AGTPBP1: variants seen among roughly 807,000 people sequenced by gnomAD.
AGTPBP1 encodes cytosolic carboxypeptidase 1.
Under a neutral mutation model 143.9 loss-of-function variants are expected in AGTPBP1, and 70 were observed. That is an observed-to-expected ratio of 0.49 (90% CI 0.40 to 0.59). The LOEUF (loss-of-function observed/expected upper bound fraction) is 0.59, where lower values mean the gene tolerates loss of function less well. Among genes scored for constraint, AGTPBP1 ranks in the 20% least tolerant of loss-of-function variants. The pLI is 0.00. For missense variants in AGTPBP1, 1,229 were observed against 1,464.5 expected (o/e 0.84, Z 2.62); for synonymous variants, 463 against 500.2 (o/e 0.93, Z 0.99).
chr9:85,805,193 A>AACCTCTAACCAGCGC, the AGTPBP1 span, among the ~76,000 whole-genome samples: 3,864 of 152,122 alleles, frequency 0.025, 91 homozygotes, highest in Middle Eastern at 0.065. Flanking sequence ...GTCACCGGCG[A>AACCTCTAACCAGCGC]ACCTCTAACC....
intron 25 of AGTPBP1, among the ~76,000 whole-genome samples, chr9:85,547,852 A>C (rs765911645): frequency 6.6e-6 from 1 of 152,214 alleles, no homozygotes; most frequent in Non-Finnish European, 1.5e-5. Context: ...ACTTTCCCTA[A>C]GGACACAGAA....
intron 1 of AGTPBP1, among the ~76,000 whole-genome samples, chr9:85,730,885 T>C (rs1026544098): frequency 6.6e-6 from 1 of 152,232 alleles, no homozygotes; most frequent in Non-Finnish European, 1.5e-5. Context: ...CCCTGTTAAA[T>C]TACTATGTGG....
At chr9:85,667,717 C>A (rs1834208997) in intron 8 of AGTPBP1, among the ~76,000 whole-genome samples, 1 of 152,056 alleles carries the variant, frequency 6.6e-6, no homozygotes, top group Non-Finnish European at 1.5e-5. Flanking sequence ...TGTTAAATAA[C>A]TTCAGGATAT....
chr9:85,584,194 T>C (rs1175737320), intron 23 of AGTPBP1, among the ~76,000 whole-genome samples: 1 of 152,134 alleles, frequency 6.6e-6, no homozygotes, highest in Non-Finnish European at 1.5e-5. Context: ...CACTGAGCTC[T>C]ACTAATCTAC....
intron 6 of AGTPBP1, among the ~76,000 whole-genome samples, chr9:85,673,620 T>A (rs555848028): frequency 1.3e-5 from 2 of 152,228 alleles, no homozygotes; most frequent in East Asian, 1.9e-4. Context: ...AACTTAAGAA[T>A]GTTAAGATTT....
intron 3 of AGTPBP1, among the ~76,000 whole-genome samples, chr9:85,684,367 G>A (rs577078833): frequency 4.6e-5 from 7 of 152,290 alleles, no homozygotes; most frequent in African/African-American, 1.7e-4. Flanking sequence ...TGGAGGTTAG[G>A]AAGAAATGTC....
At chr9:85,668,102 G>T (rs904431465) in intron 8 of AGTPBP1, among the ~76,000 whole-genome samples, 1 of 151,810 alleles carries the variant, frequency 6.6e-6, no homozygotes, top group Non-Finnish European at 1.5e-5. Context: ...TAGGAAAAAA[G>T]AAAAACAGAA....
chr9:85,658,233 T>G (rs1274586709), intron 9 of AGTPBP1, among the ~76,000 whole-genome samples: 1 of 152,102 alleles, frequency 6.6e-6, no homozygotes, highest in Non-Finnish European at 1.5e-5. Context: ...TTTTAGTAAA[T>G]GAAATTTAAG....
At chr9:85,678,772 T>C (rs1484619149) in intron 4 of AGTPBP1, among the ~76,000 whole-genome samples, 1 of 152,246 alleles carries the variant, frequency 6.6e-6, no homozygotes, top group Non-Finnish European at 1.5e-5. Context: ...TATCAATTTC[T>C]TATGCATTCT....
At chr9:85,568,244 T>G (rs1485544709) in intron 25 of AGTPBP1, among the ~76,000 whole-genome samples, 1 of 152,212 alleles carries the variant, frequency 6.6e-6, no homozygotes, top group African/African-American at 2.4e-5. Context: ...AAATTATAGG[T>G]CTGGTGATCT....
intron 14 of AGTPBP1, among the ~76,000 whole-genome samples, chr9:85,626,042 C>CAG (rs35309713): frequency 0.23 from 34,252 of 148,306 alleles, 4,959 homozygotes; most frequent in East Asian, 0.53. Context: ...ACTATAAAAA[C>CAG]AAAAAAATGC....
intron 13 of AGTPBP1, among the ~76,000 whole-genome samples, chr9:85,640,384 TTACA>T (rs1417385810): frequency 1.3e-5 from 2 of 152,234 alleles, no homozygotes; most frequent in Non-Finnish European, 2.9e-5. Context: ...CTATTTCCTA[TTACA>T]TACGCTACAG....
the AGTPBP1 span, chr9:85,792,360 T>G: frequency 6.6e-6 from 1 of 152,340 alleles, no homozygotes; most frequent in African/African-American, 2.4e-5. Flanking sequence ...AGCATGCTTT[T>G]TCTAGATGGG....
chr9:85,786,604 T>A, the AGTPBP1 span: 2 of 1,584,272 alleles, frequency 1.3e-6, no homozygotes, highest in African/African-American at 2.7e-5. Context: ...GAACTTTTAG[T>A]AGATATGTAA....
the AGTPBP1 span, among the ~76,000 whole-genome samples, chr9:85,765,382 C>G: frequency 6.6e-6 from 1 of 152,130 alleles, no homozygotes; most frequent in Admixed American, 6.5e-5. Flanking sequence ...TTAAAAGGCC[C>G]AATGTCCATA....
chr9:85,736,924 G>A (rs1313754836), intron 1 of AGTPBP1, among the ~76,000 whole-genome samples: 3 of 152,132 alleles, frequency 2.0e-5, no homozygotes, highest in Admixed American at 6.6e-5. Context: ...GGCTAACGCG[G>A]TGAAACCCCA....
At chr9:85,624,405 C>A (rs920956482) in intron 14 of AGTPBP1, among the ~76,000 whole-genome samples, 2 of 152,172 alleles carry the variant, frequency 1.3e-5, no homozygotes, top group South Asian at 2.1e-4. Flanking sequence ...AATAATAGCA[C>A]CTTCCTCATA....
the AGTPBP1 span, among the ~76,000 whole-genome samples, chr9:85,772,156 A>G: frequency 1.3e-5 from 2 of 148,872 alleles, no homozygotes; most frequent in African/African-American, 5.0e-5. Flanking sequence ...TTGTATTTTT[A>G]GTAGAGATGG....
At chr9:85,638,523 T>C (rs1465002666) in intron 13 of AGTPBP1, among the ~76,000 whole-genome samples, 1 of 152,044 alleles carries the variant, frequency 6.6e-6, no homozygotes, top group African/African-American at 2.4e-5. Flanking sequence ...TAATTATATG[T>C]AAATGATCTA....
Sources: gnomAD v4.1 joint callset for allele counts (sites outside exome capture counted in the v4.1 genomes callset) on GRCh38, gnomAD v4.1.1 for gene constraint, MANE v1.5 for transcripts, NCBI Gene and HGNC (gene_info 2026-07-23, HGNC 2026-07-21) for gene names.